The following DLGAP1 variants were observed in gnomAD, a reference collection of about 807,000 sequenced individuals.
DLGAP1 encodes the protein DLG associated protein 1.
Under a neutral mutation model 90.8 loss-of-function variants are expected in DLGAP1, and 11 were observed. The ratio of observed to expected loss-of-function variants is 0.12; its 90% confidence interval spans 0.08 to 0.20. The LOEUF is 0.20. Among genes scored for constraint, DLGAP1 ranks in the 10% least tolerant of loss-of-function variants. DLGAP1 has a pLI of 1.00. For synonymous variants in DLGAP1, 558 were observed against 540.7 expected (o/e 1.03, Z -0.44); for missense variants, 1,050 against 1,333.8 (o/e 0.79, Z 3.31).
chr18:3,532,997 A>G (rs375402190), intron 10 of DLGAP1, among the ~76,000 whole-genome samples: 2 of 152,256 alleles, frequency 1.3e-5, no homozygotes, highest in East Asian at 1.9e-4. Context: ...AAGTTTGAAA[A>G]TAATAGTGTG....
chr18:3,541,774 C>T (rs2052705402), intron 9 of DLGAP1, among the ~76,000 whole-genome samples: 1 of 152,136 alleles, frequency 6.6e-6, no homozygotes, highest in Non-Finnish European at 1.5e-5. Flanking sequence ...GAAAACAATG[C>T]TACCTTTCCA....
chr18:3,735,415 G>A (rs2062598803), intron 6 of DLGAP1, among the ~76,000 whole-genome samples: 1 of 152,010 alleles, frequency 6.6e-6, no homozygotes, highest in African/African-American at 2.4e-5. Context: ...AGTAGAGAAG[G>A]GGTTTCACCA....
intron 5 of DLGAP1, among the ~76,000 whole-genome samples, chr18:3,774,984 GCAGGAAGAAAGACTGAAGTCTGTC>G (rs777954584): frequency 8.6e-5 from 13 of 152,046 alleles, no homozygotes; most frequent in Non-Finnish European, 1.9e-4. Flanking sequence ...AACTCATATC[GCAGGAAGAAAGACTGAAGTCTGTC>G]CAGGTAAAGA....
intron 2 of DLGAP1, among the ~76,000 whole-genome samples, chr18:4,104,981 CTCAT>C (rs2075835917): frequency 6.6e-6 from 1 of 152,184 alleles, no homozygotes; most frequent in African/African-American, 2.4e-5. Context: ...ACCACATTTA[CTCAT>C]TCAGTGTACA....
intron 1 of DLGAP1, among the ~76,000 whole-genome samples, chr18:4,284,596 T>A (rs969893420): frequency 6.6e-6 from 1 of 152,168 alleles, no homozygotes; most frequent in African/African-American, 2.4e-5. Flanking sequence ...CTGGTACTCC[T>A]AAGTTTCACA....
intron 8 of DLGAP1, chr18:3,580,259 G>A (rs2055411270): frequency 2.5e-6 from 4 of 1,605,472 alleles, no homozygotes; most frequent in Admixed American, 1.7e-5. Context: ...AGTCAGTGGA[G>A]TGGGGGACGC....
At chr18:4,317,998 C>T (rs953920723) in intron 1 of DLGAP1, among the ~76,000 whole-genome samples, 6 of 152,228 alleles carry the variant, frequency 3.9e-5, no homozygotes, top group East Asian at 3.9e-4. Flanking sequence ...CAGGCGCGTA[C>T]CATCACGCCC....
intron 5 of DLGAP1, among the ~76,000 whole-genome samples, chr18:3,779,122 C>G (rs1038079805): frequency 1.1e-4 from 16 of 152,206 alleles, no homozygotes; most frequent in African/African-American, 3.9e-4. Context: ...GTTGTCCTCC[C>G]TCCTTCTGTC....
At chr18:3,862,420 G>A (rs1270293931) in intron 4 of DLGAP1, among the ~76,000 whole-genome samples, 1 of 152,218 alleles carries the variant, frequency 6.6e-6, no homozygotes, top group Non-Finnish European at 1.5e-5. Context: ...CACAGATGAG[G>A]ATTACTGTCC....
At chr18:3,627,023 T>A (rs1396681802) in intron 7 of DLGAP1, among the ~76,000 whole-genome samples, 1 of 152,112 alleles carries the variant, frequency 6.6e-6, no homozygotes, top group African/African-American at 2.4e-5. Flanking sequence ...GACATATGAG[T>A]CATATTTCAA....
At chr18:3,560,279 T>TG (rs1315395450) in intron 9 of DLGAP1, among the ~76,000 whole-genome samples, 2 of 151,512 alleles carry the variant, frequency 1.3e-5, no homozygotes, top group East Asian at 3.9e-4. Flanking sequence ...ATTAGCTGGG[T>TG]GTGGTGGTGT....
At chr18:3,520,788 C>A (rs1294084482) in intron 10 of DLGAP1, among the ~76,000 whole-genome samples, 1 of 152,210 alleles carries the variant, frequency 6.6e-6, no homozygotes, top group African/African-American at 2.4e-5. Context: ...CCCTTTAAAT[C>A]CCCATTCTCC....
intron 1 of DLGAP1, among the ~76,000 whole-genome samples, chr18:4,290,886 T>C (rs115398898): frequency 0.024 from 3,729 of 152,250 alleles, 169 homozygotes; most frequent in African/African-American, 0.085. Context: ...CACCTTGATG[T>C]GAAGTGCCCT....
intron 9 of DLGAP1, among the ~76,000 whole-genome samples, chr18:3,551,772 T>TTCCTTCCTTCC (rs1568180894): frequency 1.1e-5 from 1 of 92,690 alleles, no homozygotes; most frequent in African/African-American, 4.6e-5. Context: ...TCCTTCCTTC[T>TTCCTTCCTTCC]TTCCTTCCTT....
At chr18:3,946,931 T>C (rs2072888636) in intron 3 of DLGAP1, among the ~76,000 whole-genome samples, 1 of 152,220 alleles carries the variant, frequency 6.6e-6, no homozygotes, top group Non-Finnish European at 1.5e-5. Context: ...GATACATTTG[T>C]AGGATTTTCC....
At chr18:3,820,364 A>G (rs2067342058) in intron 4 of DLGAP1, among the ~76,000 whole-genome samples, 1 of 152,248 alleles carries the variant, frequency 6.6e-6, no homozygotes, top group Non-Finnish European at 1.5e-5. Flanking sequence ...GGCTGTGAGT[A>G]CATAAAGCAA....
intron 1 of DLGAP1, among the ~76,000 whole-genome samples, chr18:4,367,822 C>T (rs1249289200): frequency 6.6e-6 from 1 of 151,784 alleles, no homozygotes; most frequent in Non-Finnish European, 1.5e-5. Flanking sequence ...GCACTCCAGC[C>T]TGGGCGACAG....
At chr18:4,353,427 A>G (rs1403804088) in intron 1 of DLGAP1, among the ~76,000 whole-genome samples, 1 of 152,178 alleles carries the variant, frequency 6.6e-6, no homozygotes, top group East Asian at 1.9e-4. Flanking sequence ...CTGAGCAAAC[A>G]ACCAAAAGAC....
chr18:3,831,937 T>G (rs2148561985), intron 4 of DLGAP1, among the ~76,000 whole-genome samples: 1 of 152,324 alleles, frequency 6.6e-6, no homozygotes, highest in South Asian at 2.1e-4. Flanking sequence ...TTCATTCAAG[T>G]TATCAGTGCA....
Sources: gnomAD v4.1 joint callset for allele counts (sites outside exome capture counted in the v4.1 genomes callset) on GRCh38, gnomAD v4.1.1 for gene constraint, MANE v1.5 for transcripts, NCBI Gene and HGNC (gene_info 2026-07-23, HGNC 2026-07-21) for gene names.